Variants in LINGO2 observed in about 807,000 individuals in gnomAD.
The protein encoded by LINGO2 is leucine rich repeat and Ig domain containing 2.
Under a neutral mutation model 30.6 loss-of-function variants are expected in LINGO2, and 14 were observed. The observed-to-expected ratio is 0.46, with a 90% CI of 0.30 to 0.72. The LOEUF is 0.72. Ranked by LOEUF, LINGO2 falls within the 30% of genes least tolerant of loss-of-function variation. The pLI, the probability that LINGO2 is intolerant of heterozygous loss-of-function variation, is 0.07. For synonymous variants in LINGO2, 317 were observed against 288.5 expected (o/e 1.10, Z -1.00); for missense variants, 729 against 751.7 (o/e 0.97, Z 0.35).
the LINGO2 span, among the ~76,000 whole-genome samples, chr9:28,917,187 C>T: frequency 6.6e-6 from 1 of 152,100 alleles, no homozygotes; most frequent in African/African-American, 2.4e-5. Context: ...AAGTGGGAAA[C>T]TATATCACCG....
the LINGO2 span, among the ~76,000 whole-genome samples, chr9:29,078,194 G>C: frequency 2.0e-5 from 3 of 151,954 alleles, no homozygotes; most frequent in African/African-American, 7.2e-5. Context: ...GAGAGAACCT[G>C]TAGGGTAAAA....
At chr9:28,048,615 C>T (rs371755374) in intron 4 of LINGO2, among the ~76,000 whole-genome samples, 33 of 150,758 alleles carry the variant, frequency 2.2e-4, no homozygotes, top group Admixed American at 6.0e-4. Context: ...TAGACTGATT[C>T]GGTAATTTTA....
At chr9:28,432,762 A>G (rs1823730796) in intron 2 of LINGO2, among the ~76,000 whole-genome samples, 11 of 152,166 alleles carry the variant, frequency 7.2e-5, no homozygotes, top group Admixed American at 7.2e-4. Context: ...CTTTTAAAAT[A>G]CAGGATTCTG....
intron 4 of LINGO2, among the ~76,000 whole-genome samples, chr9:28,198,791 T>A (rs13288418): frequency 0.1 from 15,861 of 152,134 alleles, 904 homozygotes; most frequent in Middle Eastern, 0.15. Flanking sequence ...CTCAGTAAAG[T>A]TTAGGACAAG....
intron 4 of LINGO2, among the ~76,000 whole-genome samples, chr9:28,022,164 T>C (rs1317302950): frequency 3.9e-5 from 6 of 152,058 alleles, no homozygotes; most frequent in Non-Finnish European, 7.4e-5. Context: ...ATATACATAA[T>C]TCACTAATAA....
the LINGO2 span, among the ~76,000 whole-genome samples, chr9:29,135,548 A>T: frequency 7.0e-6 from 1 of 143,666 alleles, no homozygotes; most frequent in East Asian, 2.2e-4. Context: ...ACAGAGTGAC[A>T]TTCCATCTCC....
intron 4 of LINGO2, among the ~76,000 whole-genome samples, chr9:28,193,906 C>T (rs993777697): frequency 8.5e-5 from 13 of 152,204 alleles, no homozygotes; most frequent in Admixed American, 5.9e-4. Flanking sequence ...TACAGAGGGA[C>T]AGTCTCCAGG....
At chr9:28,453,299 C>T (rs1824719402) in intron 2 of LINGO2, among the ~76,000 whole-genome samples, 1 of 151,820 alleles carries the variant, frequency 6.6e-6, no homozygotes, top group South Asian at 2.1e-4. Context: ...GCACACAGTT[C>T]CATCATTTGA....
At chr9:28,009,340 C>A (rs1587679610) in intron 5 of LINGO2, among the ~76,000 whole-genome samples, 3 of 120,932 alleles carry the variant, frequency 2.5e-5, no homozygotes, top group African/African-American at 3.1e-5. Context: ...CTTACAGTAT[C>A]AAAAGCACAA....
the LINGO2 span, among the ~76,000 whole-genome samples, chr9:28,693,992 C>T: frequency 6.6e-6 from 1 of 151,690 alleles, no homozygotes; most frequent in Non-Finnish European, 1.5e-5. Flanking sequence ...AATCCATGTC[C>T]CTACTGATAT....
At chr9:28,254,434 T>A (rs1822312549) in intron 4 of LINGO2, among the ~76,000 whole-genome samples, 1 of 152,052 alleles carries the variant, frequency 6.6e-6, no homozygotes, top group African/African-American at 2.4e-5. Context: ...TTCAGAAAAA[T>A]AGACTACTTT....
intron 2 of LINGO2, among the ~76,000 whole-genome samples, chr9:28,441,339 T>G (rs1824190284): frequency 7.5e-6 from 1 of 134,004 alleles, no homozygotes; most frequent in African/African-American, 2.7e-5. Context: ...TAAACTAACT[T>G]TCAGTTAAAT....
chr9:29,060,424 C>G, the LINGO2 span, among the ~76,000 whole-genome samples: 1 of 151,982 alleles, frequency 6.6e-6, no homozygotes, highest in African/African-American at 2.4e-5. Flanking sequence ...GGATAAACTT[C>G]TGTGAAAACA....
At position 28,387,668 on chromosome 9, in the gene LINGO2, C is replaced by T. The variant is rs149269203; in HGVS notation, c.-278-14800G>A. Among the ~76,000 whole-genome samples, 822 of 152,264 alleles carry T rather than the reference C, an allele frequency of 5.4e-3. 28 individuals carry two copies. The East Asian group carries it at 0.095, about 18-fold the overall frequency. On this transcript the variant is annotated intron_variant, in intron 2 of 5. Transcript: ENST00000379992. The stretch of plus-strand genomic sequence containing the variant: ...CAGGAGGAATGAACAACTGTGGACG[C>T]GCCACCTTTAAGAGCTGTAACACTC...
chr9:28,286,428 A>G lies in LINGO2; in HGVS notation c.-87+8780T>C, dbSNP rs1823510798. 2.6e-5 allele frequency among the ~76,000 whole-genome samples: 4 copies of G among 152,236 alleles called. 1 individual carries two copies. The South Asian group carries it at 8.3e-4, about 31-fold the overall frequency. On this transcript the variant is annotated intron_variant, in intron 4 of 5. Transcript: ENST00000379992. Reference sequence around the variant, plus strand: ...ATTTCTCAAAGACTTAAAGACAGAAATACCATTCAACCCAGCAATCCCATT... The same window carrying G: ...ATTTCTCAAAGACTTAAAGACAGAAGTACCATTCAACCCAGCAATCCCATT...
chr9:28,668,318 G>A (rs1377752286), intron 1 of LINGO2, among the ~76,000 whole-genome samples: 1 of 151,964 alleles, frequency 6.6e-6, no homozygotes, highest in Non-Finnish European at 1.5e-5. Context: ...GAAAGTGGAA[G>A]TGAAAATGAA....
rs147216639 is a variant in LINGO2, at chr9:28,299,783, T to G, written c.-245-4417A>C. ...TTCCTAGAGACTGAATCTGAAAGAT[T>G]CACTCAATTTATAGATGAAAAACTT... On this transcript the variant is annotated intron_variant, in intron 3 of 5. Coordinates refer to ENST00000379992, the Ensembl canonical transcript of LINGO2. Among the ~76,000 whole-genome samples, 5 of 152,206 alleles carry G rather than the reference T, an allele frequency of 3.3e-5. No individual in the cohort carries two copies. In the East Asian group the frequency reaches 9.7e-4, roughly 29 times the overall value.
intron 1 of LINGO2, among the ~76,000 whole-genome samples, chr9:28,551,575 T>A (rs72713588): frequency 6.6e-6 from 1 of 151,968 alleles, no homozygotes; most frequent in South Asian, 2.1e-4. Flanking sequence ...AATTCAGTGG[T>A]TGTACACAAA....
At chr9:28,569,274 T>C (rs1407179592) in intron 1 of LINGO2, among the ~76,000 whole-genome samples, 1 of 151,922 alleles carries the variant, frequency 6.6e-6, no homozygotes, top group East Asian at 1.9e-4. Context: ...GATCCAGCAA[T>C]CCCACTTCTG....
Sources: allele counts gnomAD v4.1 joint callset (sites outside exome capture counted in the v4.1 genomes callset), GRCh38; gene constraint gnomAD v4.1.1; transcripts MANE v1.5; gene names NCBI Gene and HGNC (gene_info 2026-07-23, HGNC 2026-07-21).